Variants in TMEM117 observed in about 807,000 individuals in gnomAD.
The protein encoded by TMEM117 is transmembrane protein 117.
TMEM117 carries 27 observed loss-of-function variants against 52.4 expected under a neutral mutation model. The ratio of observed to expected loss-of-function variants is 0.51; its 90% CI spans 0.38 to 0.71. TMEM117 has a LOEUF of 0.71. Among genes scored for constraint, TMEM117 ranks in the 30% least tolerant of loss-of-function variants. The pLI, the probability that TMEM117 is intolerant of heterozygous loss-of-function variation, is 0.00. For synonymous variants in TMEM117, 215 were observed against 206.3 expected (o/e 1.04, Z -0.36); for missense variants, 556 against 630.5 (o/e 0.88, Z 1.26).
chr12:44,299,312 T>C (rs1026432375), intron 5 of TMEM117, among the ~76,000 whole-genome samples: 1 of 151,990 alleles, frequency 6.6e-6, no homozygotes, highest in South Asian at 2.1e-4. Flanking sequence ...TTTGTATTTT[T>C]AGTAGAGACA....
intron 6 of TMEM117, among the ~76,000 whole-genome samples, chr12:44,309,913 A>T (rs1241909222): frequency 6.6e-6 from 1 of 152,316 alleles, no homozygotes; most frequent in Admixed American, 6.5e-5. Flanking sequence ...AGGTGATAGG[A>T]AGTTTAGTGA....
intron 5 of TMEM117, among the ~76,000 whole-genome samples, chr12:44,238,611 C>T (rs1440735246): frequency 6.6e-6 from 1 of 152,022 alleles, no homozygotes; most frequent in Non-Finnish European, 1.5e-5. Context: ...AGCCACTACA[C>T]TCCAGCCTAG....
chr12:44,348,742 G>T (rs1226589465), intron 6 of TMEM117, among the ~76,000 whole-genome samples: 1 of 152,040 alleles, frequency 6.6e-6, no homozygotes, highest in East Asian at 1.9e-4. Flanking sequence ...GTACCTTTGG[G>T]TAATGGGTAG....
At chr12:44,107,607 C>T (rs981182355) in intron 3 of TMEM117, among the ~76,000 whole-genome samples, 2 of 151,984 alleles carry the variant, frequency 1.3e-5, no homozygotes, top group African/African-American at 2.4e-5. Flanking sequence ...GTAAACAGCA[C>T]AGACTGAATT....
intron 2 of TMEM117, among the ~76,000 whole-genome samples, chr12:43,856,155 T>A (rs1459953608): frequency 3.9e-5 from 6 of 152,202 alleles, no homozygotes; most frequent in African/African-American, 1.4e-4. Flanking sequence ...TGCTAAGGAC[T>A]TTTTTGGGGA....
intron 5 of TMEM117, among the ~76,000 whole-genome samples, chr12:44,266,323 C>T (rs553549175): frequency 6.6e-6 from 1 of 152,226 alleles, no homozygotes; most frequent in South Asian, 2.1e-4. Context: ...TTGTAACCAT[C>T]CTAGTGGATG....
At chr12:44,057,367 G>A (rs1211380066) in intron 3 of TMEM117, among the ~76,000 whole-genome samples, 4 of 151,996 alleles carry the variant, frequency 2.6e-5, no homozygotes, top group Non-Finnish European at 4.4e-5. Context: ...ATACAAACAC[G>A]TAAAATAATG....
chr12:43,845,083 A>C, intron 2 of TMEM117, 155 bp downstream of exon 2: 3 of 768,770 alleles, frequency 3.9e-6, no homozygotes. Flanking sequence ...GGGTTCTTCA[A>C]CTACTCTCTG....
intron 3 of TMEM117, among the ~76,000 whole-genome samples, chr12:44,032,833 A>T (rs1429365311): frequency 6.6e-6 from 1 of 152,174 alleles, no homozygotes. Flanking sequence ...TTCAGCCTGA[A>T]GAAGTTACAG....
chr12:43,913,365 T>C (rs1257142116), intron 2 of TMEM117, among the ~76,000 whole-genome samples: 1 of 152,134 alleles, frequency 6.6e-6, no homozygotes, highest in Admixed American at 6.5e-5. Context: ...AAAGTCATAT[T>C]GTTTTATAAT....
chr12:43,854,875 G>C (rs1943373453), intron 2 of TMEM117, among the ~76,000 whole-genome samples: 2 of 152,224 alleles, frequency 1.3e-5, no homozygotes, highest in South Asian at 4.2e-4. Context: ...GACTTCAGGT[G>C]ATCTGCCTGC....
chr12:43,912,396 T>C (rs1944521986), intron 2 of TMEM117, among the ~76,000 whole-genome samples: 1 of 151,494 alleles, frequency 6.6e-6, no homozygotes, highest in Non-Finnish European at 1.5e-5. Flanking sequence ...TACCTAATGC[T>C]AGATGACGAG....
the TMEM117 span, among the ~76,000 whole-genome samples, chr12:43,820,148 A>G: frequency 6.6e-6 from 1 of 151,342 alleles, no homozygotes; most frequent in Non-Finnish European, 1.5e-5. Flanking sequence ...TGCCAAGTGG[A>G]GTGCTGTGGC....
chr12:44,042,104 C>T (rs895522735), intron 3 of TMEM117, among the ~76,000 whole-genome samples: 1 of 152,330 alleles, frequency 6.6e-6, no homozygotes, highest in South Asian at 2.1e-4. Context: ...CCCATAATCT[C>T]TGCCCAAAGG....
intron 3 of TMEM117, among the ~76,000 whole-genome samples, chr12:44,016,721 T>G (rs983577144): frequency 1.3e-5 from 2 of 152,116 alleles, no homozygotes; most frequent in Non-Finnish European, 1.5e-5. Context: ...TAGGCAGAGG[T>G]CAATGGTGAA....
intron 2 of TMEM117, among the ~76,000 whole-genome samples, chr12:43,878,122 G>T (rs992134466): frequency 1.8e-4 from 27 of 149,606 alleles, no homozygotes; most frequent in African/African-American, 6.4e-4. Flanking sequence ...AAAAATCAGG[G>T]CCTTAACAAA....
At chr12:43,972,224 C>T (rs1027486157) in intron 3 of TMEM117, among the ~76,000 whole-genome samples, 4 of 152,190 alleles carry the variant, frequency 2.6e-5, no homozygotes, top group Admixed American at 2.6e-4. Context: ...AATAAGGCAA[C>T]CCAAAGCCAA....
At chr12:44,198,252 A>G (rs1852215652) in intron 4 of TMEM117, among the ~76,000 whole-genome samples, 1 of 152,148 alleles carries the variant, frequency 6.6e-6, no homozygotes, top group Admixed American at 6.6e-5. Context: ...GGGTGGTAAA[A>G]CTACATACAT....
At chr12:44,167,089 C>G (rs1371804217) in intron 4 of TMEM117, among the ~76,000 whole-genome samples, 1 of 152,162 alleles carries the variant, frequency 6.6e-6, no homozygotes, top group East Asian at 1.9e-4. Flanking sequence ...TATACATGCA[C>G]TAAGGTGGCC....
Sources: gnomAD v4.1 joint callset for allele counts (sites outside exome capture counted in the v4.1 genomes callset) on GRCh38, gnomAD v4.1.1 for gene constraint, MANE v1.5 for transcripts, NCBI Gene and HGNC (gene_info 2026-07-23, HGNC 2026-07-21) for gene names.